SLC68A1: variants seen among roughly 807,000 people sequenced by gnomAD.
The protein encoded by SLC68A1 is major facilitator superfamily domain containing 13A.
the SLC68A1 span, chr10:102,472,108 A>C: frequency 2.2e-6 from 1 of 447,586 alleles, no homozygotes; most frequent in African/African-American, 2.0e-5. Context: ...GGCTGCAATG[A>C]GTTATGATTG....
the SLC68A1 span, chr10:102,470,132 G>T: frequency 4.7e-6 from 7 of 1,488,154 alleles, no homozygotes; most frequent in African/African-American, 1.4e-5. Flanking sequence ...TGCTACCCAG[G>T]AGGGAGGACC....
chr10:102,475,762 G>T, the SLC68A1 span: 1 of 1,613,252 alleles, frequency 6.2e-7, no homozygotes, highest in Non-Finnish European at 8.5e-7. Flanking sequence ...CCCCTGTGGG[G>T]AGTGCCCATC....
the SLC68A1 span, chr10:102,473,603 T>G: frequency 1.2e-6 from 2 of 1,613,152 alleles, no homozygotes; most frequent in Non-Finnish European, 1.7e-6. Context: ...CTCAACAACC[T>G]CTACTTCCTG....
At chr10:102,463,206 T>C in the SLC68A1 span, among the ~76,000 whole-genome samples, 74,895 of 147,878 alleles carry the variant, frequency 0.51, 19,216 homozygotes, top group Middle Eastern at 0.63. Context: ...GGAGTCTCAC[T>C]CTGTCCTCCA....
chr10:102,468,542 C>A, the SLC68A1 span: 72,082 of 152,346 alleles, frequency 0.47, 17,703 homozygotes, highest in Middle Eastern at 0.62. Context: ...CGGCGGGTGC[C>A]TGTGGTCCCA....
chr10:102,471,681 C>T, the SLC68A1 span, among the ~76,000 whole-genome samples: 1 of 151,918 alleles, frequency 6.6e-6, no homozygotes, highest in Non-Finnish European at 1.5e-5. Context: ...ATCACTTGAA[C>T]CCGGAAGGCG....
chr10:102,464,040 T>A, the SLC68A1 span, among the ~76,000 whole-genome samples: 1 of 152,316 alleles, frequency 6.6e-6, no homozygotes, highest in South Asian at 2.1e-4. Flanking sequence ...TTTTTATTTT[T>A]GATTGATGTT....
At chr10:102,471,955 A>C in the SLC68A1 span, 1 of 451,502 alleles carries the variant, frequency 2.2e-6, no homozygotes, top group Non-Finnish European at 4.5e-6. Context: ...TAAAGTGAGG[A>C]TATGAGACAG....
the SLC68A1 span, chr10:102,471,113 A>G: frequency 8.3e-5 from 134 of 1,612,586 alleles, no homozygotes; most frequent in Admixed American, 2.5e-4. Flanking sequence ...GGTTGTGGAT[A>G]GCGGGTGAGT....
the SLC68A1 span, chr10:102,470,682 C>A: frequency 6.2e-7 from 1 of 1,611,458 alleles, no homozygotes; most frequent in Non-Finnish European, 8.5e-7. Flanking sequence ...GCCGGGCTCT[C>A]CTCAAGGGCT....
the SLC68A1 span, among the ~76,000 whole-genome samples, chr10:102,464,168 A>G: frequency 1.3e-5 from 2 of 152,194 alleles, no homozygotes; most frequent in African/African-American, 4.8e-5. Context: ...TTTAAAGATC[A>G]TGAAACCACA....
At chr10:102,476,761 T>G in the SLC68A1 span, 1 of 986,026 alleles carries the variant, frequency 1.0e-6, no homozygotes, top group Admixed American at 6.1e-5. Context: ...CCATGGGGCG[T>G]GGGAGCCCAT....
At chr10:102,465,282 G>A in the SLC68A1 span, among the ~76,000 whole-genome samples, 4 of 151,320 alleles carry the variant, frequency 2.6e-5, no homozygotes, top group Admixed American at 1.3e-4. Flanking sequence ...AAAATTAGCC[G>A]AGTGTGGTGG....
the SLC68A1 span, chr10:102,476,135 A>G: frequency 6.9e-5 from 90 of 1,312,996 alleles, no homozygotes; most frequent in South Asian, 1.6e-4. Flanking sequence ...CAGTGGTGCA[A>G]TCTGGGCTCA....
chr10:102,471,773 AAAG>A, the SLC68A1 span, among the ~76,000 whole-genome samples: 1 of 151,630 alleles, frequency 6.6e-6, no homozygotes, highest in African/African-American at 2.4e-5. Context: ...AAAAAAAAAA[AAAG>A]AGCTGGGAAC....
At chr10:102,474,081 G>C in the SLC68A1 span, 1 of 1,450,626 alleles carries the variant, frequency 6.9e-7, no homozygotes, top group East Asian at 2.4e-5. Context: ...CACAGTGGCT[G>C]GCAAGCCTGG....
the SLC68A1 span, chr10:102,476,051 G>GTTT: frequency 1.8e-5 from 11 of 615,244 alleles, no homozygotes; most frequent in South Asian, 1.6e-4. Flanking sequence ...AGTTTTTTTT[G>GTTT]GTTTTTTTTT....
the SLC68A1 span, chr10:102,469,036 C>G: frequency 1.2e-6 from 2 of 1,612,632 alleles, no homozygotes; most frequent in Non-Finnish European, 1.7e-6. Flanking sequence ...AGCCATGGGG[C>G]TGGGTCAGCC....
At chr10:102,475,926 T>C in the SLC68A1 span, 3 of 1,613,478 alleles carry the variant, frequency 1.9e-6, no homozygotes, top group East Asian at 6.7e-5. Flanking sequence ...CTGCACATGG[T>C]CAAGGCCCAG....
Sources: allele counts gnomAD v4.1 joint callset (sites outside exome capture counted in the v4.1 genomes callset), GRCh38; gene constraint gnomAD v4.1.1; transcripts MANE v1.5; gene names NCBI Gene and HGNC (gene_info 2026-07-23, HGNC 2026-07-21).